EMCN: variants seen among roughly 807,000 people sequenced by gnomAD.
The protein encoded by EMCN is endomucin, also known as MUC-14.
EMCN carries 37 observed loss-of-function variants against 38.4 expected under a neutral mutation model. That is an observed-to-expected ratio of 0.96 (90% CI 0.74 to 1.27). The LOEUF (loss-of-function observed/expected upper bound fraction) is 1.27, where lower values mean the gene tolerates loss of function less well. Among genes scored for constraint, EMCN ranks in the 50% most tolerant of loss-of-function variants. The pLI is 0.00. For missense variants in EMCN, 318 were observed against 302.8 expected (o/e 1.05, Z -0.37); for synonymous variants, 95 against 100.8 (o/e 0.94, Z 0.35).
intron 1 of EMCN, among the ~76,000 whole-genome samples, chr4:100,506,004 A>G (rs991944584): frequency 1.3e-5 from 2 of 152,226 alleles, no homozygotes; most frequent in African/African-American, 2.4e-5. Flanking sequence ...TGAAAAGTTT[A>G]TATTCACCAA....
chr4:100,410,242 T>C, intron 11 of EMCN, 40 bp downstream of exon 11: 2 of 1,310,634 alleles, frequency 1.5e-6, no homozygotes, highest in South Asian at 2.4e-5. Context: ...ACAAAACAGA[T>C]ATTAATGATT....
intron 5 of EMCN, among the ~76,000 whole-genome samples, chr4:100,430,040 G>C (rs1032687037): frequency 3.9e-5 from 6 of 152,104 alleles, no homozygotes; most frequent in Non-Finnish European, 8.8e-5. Context: ...CATTCTGAAA[G>C]TTTTGAGATA....
chr4:100,433,526 CTATTT>C (rs1727260253), intron 5 of EMCN, among the ~76,000 whole-genome samples: 1 of 151,578 alleles, frequency 6.6e-6, no homozygotes, highest in Non-Finnish European at 1.5e-5. Flanking sequence ...AATCTCCATA[CTATTT>C]TATTTTTTTT....
chr4:100,417,597 T>C (rs1007179400), intron 8 of EMCN, among the ~76,000 whole-genome samples: 3 of 150,486 alleles, frequency 2.0e-5, no homozygotes, highest in Non-Finnish European at 4.4e-5. Context: ...TGAGCTACAA[T>C]GTAGATACTA....
At chr4:100,409,834 G>GCTGTGATA (rs1222701221) in intron 11 of EMCN, among the ~76,000 whole-genome samples, 1 of 152,146 alleles carries the variant, frequency 6.6e-6, no homozygotes, top group Non-Finnish European at 1.5e-5. Flanking sequence ...CCAGCCTACG[G>GCTGTGATA]CTGTGATACA....
chr4:100,479,801 T>G (rs1227184840), intron 2 of EMCN, 116 bp downstream of exon 2: 1 of 867,462 alleles, frequency 1.2e-6, no homozygotes, highest in African/African-American at 1.8e-5. Flanking sequence ...GAAATAGCAC[T>G]GACCTTTATA....
At chr4:100,473,464 TC>T (rs1468411681) in intron 3 of EMCN, among the ~76,000 whole-genome samples, 1 of 126,778 alleles carries the variant, frequency 7.9e-6, no homozygotes, top group Non-Finnish European at 1.6e-5. Flanking sequence ...CAAAAACAAA[TC>T]CAAGCGATTT....
At chr4:100,515,138 A>G (rs1344216785) in intron 1 of EMCN, among the ~76,000 whole-genome samples, 3 of 152,144 alleles carry the variant, frequency 2.0e-5, no homozygotes, top group Non-Finnish European at 4.4e-5. Context: ...TGCCTACAAC[A>G]TTTTAATATT....
At chr4:100,506,723 A>G (rs984164869) in intron 1 of EMCN, among the ~76,000 whole-genome samples, 8 of 152,220 alleles carry the variant, frequency 5.3e-5, no homozygotes, top group Non-Finnish European at 1.2e-4. Context: ...CAAACAACAC[A>G]GACATTCAAG....
chr4:100,439,270 G>A (rs758806819), intron 5 of EMCN, among the ~76,000 whole-genome samples: 2 of 151,786 alleles, frequency 1.3e-5, no homozygotes, highest in Non-Finnish European at 2.9e-5. Context: ...GAAGTTTTTT[G>A]TTACTTCTTT....
chr4:100,421,673 A>C (rs911051320), intron 7 of EMCN, among the ~76,000 whole-genome samples: 1 of 151,976 alleles, frequency 6.6e-6, no homozygotes, highest in Non-Finnish European at 1.5e-5. Context: ...GGAGAAGCAG[A>C]AGATGTACTC....
chr4:100,444,850 T>C (rs1315672052), intron 5 of EMCN, among the ~76,000 whole-genome samples: 1 of 152,094 alleles, frequency 6.6e-6, no homozygotes, highest in Admixed American at 6.5e-5. Flanking sequence ...GCTCCTTCTC[T>C]AGGGATAGCT....
intron 2 of EMCN, among the ~76,000 whole-genome samples, chr4:100,477,523 C>CA (rs901582810): frequency 1.3e-5 from 2 of 152,216 alleles, no homozygotes; most frequent in African/African-American, 4.8e-5. Flanking sequence ...GAAGAATTCT[C>CA]ATCTCAGTTG....
In EMCN at chr4:100,471,887, T is replaced by A. The variant is rs528620757; in HGVS notation, c.259+3151A>T. On this transcript the variant is annotated intron_variant, in intron 3 of 11. Coordinates refer to ENST00000296420, the MANE Select transcript of EMCN (RefSeq NM_016242.4). ...TTTTTAAAAATCCAATACCCTTGCA[T>A]AATAAACACACTCAACGAACTAGTA... Among the ~76,000 whole-genome samples, 4 of 152,056 alleles carry A rather than the reference T, an allele frequency of 2.6e-5. No homozygotes were observed. In the East Asian group the frequency reaches 7.7e-4, roughly 29 times the overall value.
At chr4:100,497,235 CTT>C (rs1729230607) in intron 1 of EMCN, among the ~76,000 whole-genome samples, 1 of 143,724 alleles carries the variant, frequency 7.0e-6, no homozygotes, top group East Asian at 2.0e-4. Flanking sequence ...ATTTTTGTCT[CTT>C]GTTACTATTA....
chr4:100,445,125 G>T (rs1020098985), intron 5 of EMCN, among the ~76,000 whole-genome samples: 1 of 152,110 alleles, frequency 6.6e-6, no homozygotes, highest in Non-Finnish European at 1.5e-5. Context: ...TTCTGCTGCT[G>T]TTCTCCAGAG....
At position 100,395,374 on chromosome 4, in the gene EMCN, A is replaced by C. The variant is rs529196134; in HGVS notation, c.*3039T>G. 371 of 152,304 alleles carry C rather than the reference A, an allele frequency of 2.4e-3. 2 individuals are homozygous for C. Among genetic ancestry groups the C allele is most frequent in the African/African-American group, 8.6e-3 (358 of 41,578 alleles). 9.4% of individuals were successfully genotyped at this position (152,304 alleles called of 1,614,324 possible). Reference sequence around the variant, plus strand: ...AAATTGGGGCAGAGTACACCCATTTATTGGAAAATGAGAAGTCCTGTGTGT... The same window carrying C: ...AAATTGGGGCAGAGTACACCCATTTCTTGGAAAATGAGAAGTCCTGTGTGT... On this transcript the variant is annotated 3_prime_UTR_variant, in exon 12 of 12. Transcript: ENST00000296420.
rs557474088 is a variant in EMCN, at chr4:100,395,857, A to G, written c.*2556T>C. ...AACAACATCCACTTAGTCTCAGGTG[A>G]CAACAGTGCCAGTTAATTAGCTTTT... On this transcript the variant is annotated 3_prime_UTR_variant, in exon 12 of 12. Transcript: ENST00000296420. The G allele has an allele frequency of 6.6e-6, 1 of 152,308 alleles. No individual in the cohort carries two copies. The highest frequency in any genetic ancestry group is 1.9e-4 in the East Asian group (1 of 5,182). 9.4% of individuals were successfully genotyped at this position (152,308 alleles called of 1,614,324 possible).
chr4:100,441,250 A>G (rs1043227685), intron 5 of EMCN, among the ~76,000 whole-genome samples: 1 of 152,144 alleles, frequency 6.6e-6, no homozygotes, highest in Non-Finnish European at 1.5e-5. Flanking sequence ...TGACCCCTTT[A>G]TCATTAAATA....
Sources: gnomAD v4.1 joint callset for allele counts (sites outside exome capture counted in the v4.1 genomes callset) on GRCh38, gnomAD v4.1.1 for gene constraint, MANE v1.5 for transcripts, NCBI Gene and HGNC (gene_info 2026-07-23, HGNC 2026-07-21) for gene names.